Variants in TNRC18 observed in about 807,000 individuals in gnomAD.
The protein encoded by TNRC18 is trinucleotide repeat-containing gene 18 protein.
TNRC18 carries 69 observed loss-of-function variants against 226.7 expected under a neutral mutation model. That is an observed-to-expected ratio of 0.30 (90% CI 0.25 to 0.37). TNRC18 has a LOEUF of 0.37. Among genes scored for constraint, TNRC18 ranks in the 10% least tolerant of loss-of-function variants. The pLI is 1.00. For synonymous variants in TNRC18, 2,449 were observed against 1,927.6 expected, an observed-to-expected ratio of 1.27 and a Z score of -7.09; for missense variants, 4,754 against 4,256.6, an observed-to-expected ratio of 1.12 and a Z score of -3.25.
chr7:5,368,953 C>G (rs972563016), intron 11 of TNRC18, among the ~76,000 whole-genome samples: 3 of 152,028 alleles, frequency 2.0e-5, no homozygotes, highest in Non-Finnish European at 2.9e-5. Context: ...GAGAACTACC[C>G]TCCCCCTTCC....
intron 2 of TNRC18, among the ~76,000 whole-genome samples, chr7:5,412,611 A>T (rs1303273911): frequency 2.6e-5 from 4 of 152,178 alleles, no homozygotes; most frequent in Non-Finnish European, 4.4e-5. Flanking sequence ...AAATAAAAAA[A>T]TAAAAACAAA....
rs1429334565 is a variant in TNRC18 at position 5,377,888 on chromosome 7, C to G, written c.2255+34G>C. The G allele has an allele frequency of 6.2e-7, 1 of 1,604,750 alleles. No homozygotes were observed. The highest frequency in any genetic ancestry group is 2.2e-5 in the East Asian group (1 of 44,824). ...CTCACCCCCAGGGGCTCCTAGATAC[C>G]CCCTAGACCCTCAGGATCCCCCGAC... is the stretch of plus-strand genomic sequence containing the variant. On this transcript the variant is annotated intron_variant, in intron 6 of 29. Transcript: ENST00000430969. The surrounding 1 kb of genome is among the most constrained non-coding windows in gnomAD (Gnocchi z 5.8).
chr7:5,356,456 C>T (rs1331230783), intron 16 of TNRC18, among the ~76,000 whole-genome samples: 1 of 152,228 alleles, frequency 6.6e-6, no homozygotes. Flanking sequence ...GCGACAAAGC[C>T]GTGGTCCGCA....
intron 2 of TNRC18, among the ~76,000 whole-genome samples, chr7:5,415,190 G>A (rs959050326): frequency 5.3e-5 from 8 of 151,394 alleles, no homozygotes; most frequent in Non-Finnish European, 1.0e-4. Flanking sequence ...GCTCAGATAC[G>A]CCAGGCTCTG....
At position 5,312,786 on chromosome 7, in the gene TNRC18, T is replaced by C; in HGVS notation, c.8105A>G (p.Lys2702Arg). ...CGCCTTGCCGGCCTGCTTGGTGGCC[T>C]TGGTGGGGAGCGCCGCCTGCGCGGA... ...GPSAQAALPT[K>R]ATKQAGKARP... Residue 2702 changes from lysine to arginine, a missense_variant, in exon 27 of 30, where the codon AAG becomes AGG. Coordinates refer to ENST00000430969, the MANE Select transcript of TNRC18 (RefSeq NM_001080495.3). This position sits in a 1 kb window ranked among gnomAD's most constrained non-coding sequence, Gnocchi z 6.3. 1 of 1,533,866 alleles carries C rather than the reference T, an allele frequency of 6.5e-7. No individual in the cohort carries two copies. The highest frequency in any genetic ancestry group is 8.7e-7 in the Non-Finnish European group (1 of 1,145,016).
At chr7:5,356,712 C>T (rs1233578325) in intron 16 of TNRC18, among the ~76,000 whole-genome samples, 4 of 152,128 alleles carry the variant, frequency 2.6e-5, no homozygotes, top group South Asian at 4.1e-4. Context: ...ACCCGCCAGT[C>T]ACAGGCATAT....
At position 5,376,109 on chromosome 7, in the gene TNRC18, C is replaced by T; in HGVS notation, c.2724G>A (p.Leu908=). Residue 908 remains leucine (L), a synonymous_variant, in exon 9 of 30, where the codon CTG becomes CTA. Transcript: ENST00000430969. The part of the protein sequence containing the change: ...QLQLFSQQHF[L]RQQEFLYLQQ... ...GCAGGTACAGGAACTCCTGCTGCCGCAGGAAGTGCTGCTGTGAGAAGAGCT... is the reference window on the plus strand; with the variant it reads ...GCAGGTACAGGAACTCCTGCTGCCGTAGGAAGTGCTGCTGTGAGAAGAGCT... 6.3e-7 allele frequency: 1 copy of T among 1,592,354 alleles called. No homozygotes were observed. The highest frequency in any genetic ancestry group is 1.1e-5 in the South Asian group (1 of 87,530).
intron 11 of TNRC18, 79 bp from the exon 12 acceptor site, chr7:5,362,904 A>T (rs1793212475): frequency 7.1e-7 from 1 of 1,406,750 alleles, no homozygotes; most frequent in Non-Finnish European, 9.3e-7. Context: ...GGCCCAAAGC[A>T]AGCGCAGGCC....
At chr7:5,343,939 G>A (rs1011634875) in intron 18 of TNRC18, among the ~76,000 whole-genome samples, 2 of 152,222 alleles carry the variant, frequency 1.3e-5, no homozygotes, top group African/African-American at 4.8e-5. Context: ...AAAGGAATGA[G>A]AAGGAAGAAA....
In TNRC18 at chr7:5,345,752, G is replaced by A. The variant is rs759381022; in HGVS notation, c.5529C>T (p.Ser1843=). Residue 1843 remains serine (S), a synonymous_variant, in exon 18 of 30, where the codon AGC becomes AGT. Transcript: ENST00000430969. ...GGGCACCCAGCCTGTAGCCACCACCGCTGGCCTCGTCCTCCTCCTCGAGCT... is the reference window on the plus strand; with the variant it reads ...GGGCACCCAGCCTGTAGCCACCACCACTGGCCTCGTCCTCCTCCTCGAGCT... ...EEELEEEDEA[S]GGGYRLGARE... 3.2e-5 allele frequency: 50 copies of A among 1,548,236 alleles called. No homozygotes were observed. The highest frequency in any genetic ancestry group is 2.5e-4 in the Admixed American group (13 of 50,992).
chr7:5,357,344 T>A, intron 15 of TNRC18, 68 bp from the exon 16 acceptor site: 5 of 1,489,288 alleles, frequency 3.4e-6, no homozygotes, highest in Non-Finnish European at 9.0e-7. Flanking sequence ...TCAGTGCACA[T>A]GCTCTGCCCA....
Position 5,370,601 on chromosome 7 carries a change from G to A in TNRC18, c.3993C>T (p.Phe1331=). The A allele has an allele frequency of 6.2e-7, 1 of 1,613,356 alleles. No individual in the cohort carries two copies. The highest frequency in any genetic ancestry group is 1.1e-5 in the South Asian group (1 of 91,018). Residue 1331 remains phenylalanine (F), a synonymous_variant, in exon 11 of 30, where the codon TTC becomes TTT. Transcript: ENST00000430969. The stretch of plus-strand genomic sequence containing the variant: ...CCAGTGGGTCCTCCAGACTGGGCAG[G>A]AACTGGTCAGAGCTTGCCTCTTCCA... The part of the protein sequence containing the change: ...CFLEEASSDQ[F]LPSLEDPLAG...
At chr7:5,357,322 G>A (rs966466397) in intron 15 of TNRC18, 46 bp from the exon 16 acceptor site, 2 of 1,551,294 alleles carry the variant, frequency 1.3e-6, no homozygotes, top group African/African-American at 1.4e-5. Flanking sequence ...TGACAAAACA[G>A]TATAGTGGGT....
In TNRC18 at chr7:5,313,716, G is replaced by A. The variant is rs1376820173; in HGVS notation, c.7175C>T (p.Ala2392Val). Residue 2392 changes from alanine (A) to valine (V), a missense_variant, in exon 27 of 30, where the codon GCA (alanine) becomes GTA (valine). Coordinates refer to ENST00000430969, the MANE Select transcript of TNRC18 (RefSeq NM_001080495.3). Reference protein sequence around the residue: ...KRAKAPKARPAPPQPSPAPPA... With the variant: ...KRAKAPKARPVPPQPSPAPPA... ...TGGTGCGGGACTGGGCTGCGGCGGT[G>A]CCGGGCGCGCCTTGGGGGCCTTGGC... is the stretch of plus-strand genomic sequence containing the variant. The A allele has an allele frequency of 1.9e-6, 3 of 1,583,966 alleles. No homozygotes were observed. Among genetic ancestry groups the A allele is most frequent in the Non-Finnish European group, 1.7e-6 (2 of 1,165,436 alleles).
intron 18 of TNRC18, among the ~76,000 whole-genome samples, chr7:5,342,007 A>G (rs1201069347): frequency 6.6e-6 from 1 of 152,208 alleles, no homozygotes; most frequent in African/African-American, 2.4e-5. Context: ...CAGCCCATAG[A>G]TGAAGGAGTA....
chr7:5,343,881 T>C (rs1034045242), intron 18 of TNRC18, among the ~76,000 whole-genome samples: 13 of 152,242 alleles, frequency 8.5e-5, no homozygotes, highest in African/African-American at 3.1e-4. Context: ...ATTCGCTTTA[T>C]GGTTTGGAAG....
chr7:5,351,062 A>C (rs1043594362), intron 17 of TNRC18, among the ~76,000 whole-genome samples: 16 of 152,206 alleles, frequency 1.1e-4, no homozygotes, highest in Non-Finnish European at 2.1e-4. Context: ...AAACATGATG[A>C]TGCTGGAGGT....
chr7:5,411,095 G>C (rs548341711), intron 2 of TNRC18, among the ~76,000 whole-genome samples: 44 of 151,130 alleles, frequency 2.9e-4, no homozygotes, highest in African/African-American at 9.7e-4. Context: ...GTTAATCCCA[G>C]CTACTTGCTA....
At chr7:5,348,946 C>G (rs1211954612) in intron 17 of TNRC18, among the ~76,000 whole-genome samples, 1 of 103,388 alleles carries the variant, frequency 9.7e-6, no homozygotes, top group Non-Finnish European at 1.9e-5. Flanking sequence ...CCAATTTGAG[C>G]AGGGTGGTGG....
Sources: allele counts gnomAD v4.1 joint callset (sites outside exome capture counted in the v4.1 genomes callset), GRCh38; gene constraint gnomAD v4.1.1; non-coding constraint Gnocchi (gnomAD v3.1); transcripts MANE v1.5; gene names NCBI Gene and HGNC (gene_info 2026-07-23, HGNC 2026-07-21).